The following ISY1 variants were observed in gnomAD, a reference collection of about 807,000 sequenced individuals.
ISY1 encodes pre-mRNA-splicing factor ISY1 homolog.
A neutral mutation model predicts 54.4 loss-of-function variants in ISY1; 12 were observed. The observed-to-expected ratio is 0.22, with a 90% CI of 0.14 to 0.36. The LOEUF (loss-of-function observed/expected upper bound fraction) is 0.36, where lower values mean the gene tolerates loss of function less well. Among genes scored for constraint, ISY1 ranks in the 10% least tolerant of loss-of-function variants. The pLI is 1.00. For missense variants in ISY1, 282 were observed against 342.2 expected, an observed-to-expected ratio of 0.82 and a Z score of 1.39; for synonymous variants, 96 against 117.9, an observed-to-expected ratio of 0.81 and a Z score of 1.20.
At chr3:129,134,995 TCA>T (rs1936348252) in intron 7 of ISY1, 41 bp from the exon 8 acceptor site, 1 of 1,574,090 alleles carries the variant, frequency 6.4e-7, no homozygotes, top group Non-Finnish European at 8.6e-7. Flanking sequence ...CAAGTCATAA[TCA>T]CACTCCAGCG....
intron 9 of ISY1, among the ~76,000 whole-genome samples, chr3:129,133,053 A>C (rs1476913076): frequency 6.6e-6 from 1 of 152,186 alleles, no homozygotes; most frequent in East Asian, 1.9e-4. Context: ...CTGTGCAGGC[A>C]GCAAGGACTC....
At chr3:129,141,580 C>CCG (rs1471819615) in intron 6 of ISY1, among the ~76,000 whole-genome samples, 1 of 151,854 alleles carries the variant, frequency 6.6e-6, no homozygotes, top group East Asian at 1.9e-4. Flanking sequence ...TGGTGAAACC[C>CCG]CGTCTCTACT....
At chr3:129,131,518 T>C (rs112546643) in intron 9 of ISY1, among the ~76,000 whole-genome samples, 21 of 152,224 alleles carry the variant, frequency 1.4e-4, no homozygotes, top group African/African-American at 7.2e-5. Context: ...TGTGGTCCTG[T>C]TCTGTTTCTT....
intron 5 of ISY1, among the ~76,000 whole-genome samples, chr3:129,155,388 T>C (rs1937105336): frequency 6.6e-6 from 1 of 151,622 alleles, no homozygotes; most frequent in African/African-American, 2.4e-5. Flanking sequence ...AGAGACAGGG[T>C]TTCACCATGT....
intron 6 of ISY1, among the ~76,000 whole-genome samples, chr3:129,143,720 T>C (rs1936693402): frequency 6.6e-6 from 1 of 151,624 alleles, no homozygotes; most frequent in South Asian, 2.1e-4. Flanking sequence ...ATATGTACTG[T>C]TTATATAATG....
chr3:129,140,309 CAT>C, intron 7 of ISY1, 57 bp downstream of exon 7: 2 of 1,449,876 alleles, frequency 1.4e-6, no homozygotes, highest in Non-Finnish European at 1.9e-6. Context: ...TAGCATATAG[CAT>C]ATCTACTCTT....
At position 129,159,193 on chromosome 3, in the gene ISY1, G is replaced by T. The variant is rs759379578; in HGVS notation, c.4-17C>A. ...ATTTCGGGCCTGGAAAGAGAGAAAA[G>T]AGAAGAAAAATGTCCATGTTTAAAA... On this transcript the variant is annotated splice_polypyrimidine_tract_variant and intron_variant, in intron 1 of 10. Coordinates refer to ENST00000393295, the MANE Select transcript of ISY1 (RefSeq NM_020701.4). The T allele has an allele frequency of 6.3e-7, 1 of 1,595,432 alleles. No individual in the cohort carries two copies.
chr3:129,133,071 A>G (rs932134635), intron 9 of ISY1, among the ~76,000 whole-genome samples: 2 of 152,116 alleles, frequency 1.3e-5, no homozygotes, highest in African/African-American at 4.8e-5. Context: ...CTCCAAATAT[A>G]GGGCCCCGCA....
intron 9 of ISY1, 157 bp from the exon 10 acceptor site, chr3:129,130,793 A>G: frequency 4.0e-6 from 3 of 746,452 alleles, no homozygotes; most frequent in Non-Finnish European, 4.1e-6. Context: ...GATTAAGTAA[A>G]AAAAGCCATA....
chr3:129,160,949 C>G, intron 1 of ISY1, 24 bp downstream of exon 1: 3 of 1,161,620 alleles, frequency 2.6e-6, no homozygotes, highest in Non-Finnish European at 3.7e-6. Context: ...TCCACTCGCT[C>G]CCTCACCCGC....
chr3:129,140,538 A>AG lies in ISY1; in HGVS notation c.301-54_301-53insC. The AG allele has an allele frequency of 2.0e-6, 3 of 1,517,192 alleles. No individual in the cohort carries two copies. In the East Asian group the frequency reaches 6.8e-5, roughly 34 times the overall value. 94.0% of individuals were successfully genotyped at this position (1,517,192 alleles called of 1,614,324 possible). On this transcript the variant is annotated intron_variant, in intron 6 of 10. Transcript: ENST00000393295. Reference sequence around the variant, plus strand: ...GGATCTGTTAGTTAGTTAGTTAGTTATTATTTATTTATTTATTTGAGGCGG... The same window carrying AG: ...GGATCTGTTAGTTAGTTAGTTAGTTAGTTATTTATTTATTTATTTGAGGCGG...
chr3:129,160,921 CCCCCG>C, intron 1 of ISY1, 47 bp downstream of exon 1: 1 of 647,258 alleles, frequency 1.5e-6, no homozygotes. Context: ...ACTGGGCGCC[CCCCCG>C]CCCGCCCGCC....
At chr3:129,134,429 C>A (rs1372430975) in intron 8 of ISY1, among the ~76,000 whole-genome samples, 1 of 152,220 alleles carries the variant, frequency 6.6e-6, no homozygotes, top group Non-Finnish European at 1.5e-5. Flanking sequence ...ATCCTCCCCA[C>A]TTCCACAACC....
In ISY1 at chr3:129,144,272, G is replaced by A. The variant is rs576298043; in HGVS notation, c.300+1489C>T. On this transcript the variant is annotated intron_variant, in intron 6 of 10. Coordinates refer to ENST00000393295, the MANE Select transcript of ISY1 (RefSeq NM_020701.4). ...AAAATAAATGAAAAGAAAAAAAGAAGTTAGGCAAGACACCCAAGAGAAGTC... is the reference window on the plus strand; with the variant it reads ...AAAATAAATGAAAAGAAAAAAAGAAATTAGGCAAGACACCCAAGAGAAGTC... The A allele has an allele frequency of 5.0e-4, 170 of 340,370 alleles. 1 individual carries two copies. In the Middle Eastern group the frequency reaches 0.014, roughly 28 times the overall value. The allele number at this position is 340,370 out of a possible 1,614,324, so 21.1% of individuals were successfully genotyped here.
In ISY1 at chr3:129,143,090, C is replaced by T. The variant is rs1360105932; in HGVS notation, c.301-2605G>A. Among the ~76,000 whole-genome samples the T allele has an allele frequency of 2.6e-5, 4 of 151,576 alleles. No individual in the cohort carries two copies. The East Asian group carries it at 7.9e-4, about 30-fold the overall frequency. ...ATTAGCTGAGCATGGTGGCACACAC[C>T]TGTCATCTCAGCTGCTCAGGAGGCT... On this transcript the variant is annotated intron_variant, in intron 6 of 10. Coordinates refer to ENST00000393295, the MANE Select transcript of ISY1 (RefSeq NM_020701.4).
chr3:129,143,042 G>C (rs1420291805), intron 6 of ISY1, among the ~76,000 whole-genome samples: 1 of 151,682 alleles, frequency 6.6e-6, no homozygotes, highest in South Asian at 2.1e-4. Context: ...GTGACAGAGC[G>C]AGACTCCGTC....
intron 6 of ISY1, among the ~76,000 whole-genome samples, chr3:129,141,900 T>C (rs1015653015): frequency 6.6e-6 from 1 of 151,914 alleles, no homozygotes; most frequent in African/African-American, 2.4e-5. Flanking sequence ...AAGATACAAC[T>C]ATATCTATTA....
At chr3:129,140,017 A>G (rs1393835899) in intron 7 of ISY1, among the ~76,000 whole-genome samples, 1 of 152,186 alleles carries the variant, frequency 6.6e-6, no homozygotes, top group Non-Finnish European at 1.5e-5. Flanking sequence ...TGTTCAACTA[A>G]TAAGTAACTG....
chr3:129,145,824 C>G lies in ISY1; in HGVS notation c.237G>C (p.Lys79Asn). Residue 79 changes from lysine to asparagine, a missense_variant, in exon 6 of 11, where the codon AAG (lysine) becomes AAC (asparagine). Physicochemically the swap from Lys to Asn is moderately conservative, Grantham distance 94 (BLOSUM62 0). Around this residue, in one of 2 missense-constraint regions of ISY1, gnomAD observed 279 missense variants for 323.6 expected, o/e 0.86. Coordinates refer to ENST00000393295, the MANE Select transcript of ISY1 (RefSeq NM_020701.4). ...CCCAGTGTCCTTTCTCCCTTAGCAG[C>G]TTGTTAATTTCATCATTCAGGTCAC... ...RIRDLNDEIN[K>N]LLREKGHWEV... is the part of the protein sequence containing the mutation. The G allele has an allele frequency of 6.2e-7, 1 of 1,614,208 alleles. No homozygotes were observed. Among genetic ancestry groups the G allele is most frequent in the Non-Finnish European group, 8.5e-7 (1 of 1,180,030 alleles).
Sources: gnomAD v4.1 joint callset for allele counts (sites outside exome capture counted in the v4.1 genomes callset) on GRCh38, gnomAD v4.1.1 for gene constraint, gnomAD v4.1.1 regional missense constraint, MANE v1.5 for transcripts, NCBI Gene and HGNC (gene_info 2026-07-23, HGNC 2026-07-21) for gene names.